The following TLE4 variants were observed in gnomAD, a reference collection of about 807,000 sequenced individuals.
The protein encoded by TLE4 is transducin-like enhancer protein 4.
In TLE4, 8 loss-of-function variants were observed where a neutral mutation model predicts 92.8. That is an observed-to-expected ratio of 0.09 (90% CI 0.05 to 0.16). TLE4 has a LOEUF of 0.16. Ranked by LOEUF, TLE4 falls within the 10% of genes least tolerant of loss-of-function variation. The pLI, the probability that TLE4 is intolerant of heterozygous loss-of-function variation, is 1.00. For synonymous variants in TLE4, 371 were observed against 374.1 expected (o/e 0.99, Z 0.10); for missense variants, 675 against 997.6 (o/e 0.68, Z 4.36).
At chr9:79,657,014 G>A (rs944049236) in intron 8 of TLE4, among the ~76,000 whole-genome samples, 1 of 152,132 alleles carries the variant, frequency 6.6e-6, no homozygotes, top group Non-Finnish European at 1.5e-5. Context: ...TTGCAGACCT[G>A]TATCTGAAGT....
chr9:79,599,334 T>C (rs765825850), intron 4 of TLE4, among the ~76,000 whole-genome samples: 3 of 152,218 alleles, frequency 2.0e-5, no homozygotes, highest in Non-Finnish European at 4.4e-5. Context: ...TTTTCAATCC[T>C]GCCTGCACAT....
chr9:79,578,382 A>T (rs911520924), intron 4 of TLE4, among the ~76,000 whole-genome samples: 1 of 152,160 alleles, frequency 6.6e-6, no homozygotes, highest in African/African-American at 2.4e-5. Context: ...ACCTTTGTGT[A>T]TTTTTTGGTT....
chr9:79,696,547 G>A (rs72734334), intron 8 of TLE4, among the ~76,000 whole-genome samples: 26,911 of 151,794 alleles, frequency 0.18, 2,647 homozygotes, highest in African/African-American at 0.26. Context: ...ATTGTATAGA[G>A]TATATTTGCA....
chr9:79,702,299 C>T (rs1332888896), intron 8 of TLE4, among the ~76,000 whole-genome samples: 6 of 152,114 alleles, frequency 3.9e-5, no homozygotes, highest in South Asian at 4.1e-4. Context: ...TTAAAACAGG[C>T]TGAACCTCTC....
intron 4 of TLE4, among the ~76,000 whole-genome samples, chr9:79,607,152 T>G (rs531885984): frequency 3.3e-5 from 5 of 152,368 alleles, no homozygotes; most frequent in East Asian, 1.9e-4. Context: ...ATATGTCTGT[T>G]GACTGCATAA....
At chr9:79,576,606 G>T (rs958677410) in intron 4 of TLE4, 1 of 152,480 alleles carries the variant, frequency 6.6e-6, no homozygotes, top group African/African-American at 2.4e-5. Flanking sequence ...AGGGTGAGCT[G>T]GGAGGATGAA....
chr9:79,653,357 T>C (rs1180418689), intron 7 of TLE4, among the ~76,000 whole-genome samples: 1 of 152,222 alleles, frequency 6.6e-6, no homozygotes, highest in African/African-American at 2.4e-5. Flanking sequence ...AATTAACTAA[T>C]TTCTTCCTAG....
chr9:79,708,197 C>G lies in TLE4; in HGVS notation c.1016C>G (p.Ser339Cys). 1 of 1,614,182 alleles carries G rather than the reference C, an allele frequency of 6.2e-7. No homozygotes were observed. The highest frequency in any genetic ancestry group is 1.1e-5 in the South Asian group (1 of 91,086). ...GATGCGCCCACCCCAGGCAGTAACT[C>G]TACTCCCGGATTGAGGCCTGTACCT... ...RTDAPTPGSN[S>C]TPGLRPVPGK... is the part of the protein sequence containing the mutation. Residue 339 changes from serine to cysteine, a missense_variant, in exon 12 of 20, where the codon TCT (serine) becomes TGT (cysteine). By Grantham distance (112) the Ser-to-Cys change is moderately radical (BLOSUM62 -1). Coordinates refer to ENST00000376552, the MANE Select transcript of TLE4 (RefSeq NM_007005.6).
chr9:79,598,715 T>G (rs532615388), intron 4 of TLE4, among the ~76,000 whole-genome samples: 88 of 152,280 alleles, frequency 5.8e-4, no homozygotes, highest in African/African-American at 2.1e-3. Flanking sequence ...CTCACATTAC[T>G]CTCTCCCCAA....
intron 4 of TLE4, among the ~76,000 whole-genome samples, chr9:79,581,401 T>G (rs879896495): frequency 1.3e-5 from 2 of 152,212 alleles, no homozygotes; most frequent in Non-Finnish European, 2.9e-5. Flanking sequence ...CCGAATACTG[T>G]GGGGAGTTCC....
intron 6 of TLE4, among the ~76,000 whole-genome samples, chr9:79,642,900 T>A (rs1438091031): frequency 6.6e-6 from 1 of 152,190 alleles, no homozygotes; most frequent in East Asian, 1.9e-4. Flanking sequence ...AGCTTATCCT[T>A]TCAGTGATAA....
Position 79,716,490 on chromosome 9 carries a change from C to T in TLE4, c.1341-2232C>T, listed in dbSNP as rs528463297. ...GTTTATCTGTTACCTGTTTTCCTCTCTAGGATGTAGACTAGTGGAAGGATA... is the reference window on the plus strand; with the variant it reads ...GTTTATCTGTTACCTGTTTTCCTCTTTAGGATGTAGACTAGTGGAAGGATA... On this transcript the variant is annotated intron_variant, in intron 14 of 19. Coordinates refer to ENST00000376552, the MANE Select transcript of TLE4 (RefSeq NM_007005.6). Among the ~76,000 whole-genome samples the T allele has an allele frequency of 4.5e-4, 68 of 152,248 alleles. 3 individuals are homozygous for T. The South Asian group carries it at 0.014, about 32-fold the overall frequency.
intron 4 of TLE4, among the ~76,000 whole-genome samples, chr9:79,594,536 G>T (rs895981211): frequency 6.6e-6 from 1 of 151,344 alleles, no homozygotes; most frequent in Non-Finnish European, 1.5e-5. Flanking sequence ...GGAGATTCAT[G>T]CATCTTTGAA....
intron 8 of TLE4, among the ~76,000 whole-genome samples, chr9:79,688,112 T>A (rs2135457086): frequency 6.6e-6 from 1 of 152,244 alleles, no homozygotes; most frequent in South Asian, 2.1e-4. Flanking sequence ...TTTAATAGTC[T>A]CACCATCTCT....
At chr9:79,700,491 A>G (rs2069502209) in intron 8 of TLE4, among the ~76,000 whole-genome samples, 1 of 152,180 alleles carries the variant, frequency 6.6e-6, no homozygotes, top group South Asian at 2.1e-4. Context: ...TGACTTGGTC[A>G]ACAGCCCTAG....
At chr9:79,684,802 G>A (rs1349568272) in intron 8 of TLE4, among the ~76,000 whole-genome samples, 2 of 152,188 alleles carry the variant, frequency 1.3e-5, no homozygotes, top group Non-Finnish European at 2.9e-5. Context: ...TGCATCATGT[G>A]TGCTACTGTG....
intron 13 of TLE4, 142 bp from the exon 14 acceptor site, chr9:79,709,481 C>T: frequency 3.3e-6 from 2 of 597,474 alleles, no homozygotes; most frequent in Non-Finnish European, 5.6e-6. Context: ...ATCATTTCAC[C>T]AATAAATACT....
At chr9:79,636,537 C>T (rs2055882520) in intron 6 of TLE4, among the ~76,000 whole-genome samples, 1 of 152,136 alleles carries the variant, frequency 6.6e-6, no homozygotes, top group South Asian at 2.1e-4. Flanking sequence ...GGTTTGTGCA[C>T]CAGCTTCTCT....
chr9:79,613,868 G>T (rs1201143260), intron 5 of TLE4, among the ~76,000 whole-genome samples: 1 of 152,112 alleles, frequency 6.6e-6, no homozygotes, highest in Non-Finnish European at 1.5e-5. Context: ...TATATACTGG[G>T]GAGGGGGCAC....
Sources: allele counts gnomAD v4.1 joint callset (sites outside exome capture counted in the v4.1 genomes callset), GRCh38; gene constraint gnomAD v4.1.1; transcripts MANE v1.5; gene names NCBI Gene and HGNC (gene_info 2026-07-23, HGNC 2026-07-21).